The following NR1I2 variants were observed in gnomAD, a reference collection of about 807,000 sequenced individuals.
The protein encoded by NR1I2 is nuclear receptor subfamily 1 group I member 2.
NR1I2 carries 42 observed loss-of-function variants against 43.3 expected under a neutral mutation model. That is an observed-to-expected ratio of 0.97 (90% confidence interval 0.76 to 1.26). NR1I2 has a LOEUF of 1.26. NR1I2 is among the 50% of genes most tolerant of loss of function. The pLI is 0.00. For missense variants in NR1I2, 559 were observed against 566.7 expected, an observed-to-expected ratio of 0.99 and a Z score of 0.14; for synonymous variants, 229 against 215.0, an observed-to-expected ratio of 1.06 and a Z score of -0.57.
At chr3:119,811,518 C>T in intron 3 of NR1I2, 21 bp from the exon 4 acceptor site, 1 of 1,596,602 alleles carries the variant, frequency 6.3e-7, no homozygotes. Context: ...TGTGCCTGAG[C>T]CAGCCTCACT....
rs1462009751 is a variant in NR1I2, at chr3:119,811,523, C to T, written c.332-16C>T. ...CAGGGGCACGTGTGCCTGAGCCAGC[C>T]TCACTGTCCCTGCAGTGATCATGTC... On this transcript the variant is annotated splice_polypyrimidine_tract_variant and intron_variant, in intron 3 of 8. Transcript: ENST00000393716. 3 of 1,600,338 alleles carry T rather than the reference C, an allele frequency of 1.9e-6. No homozygotes were observed. The highest frequency in any genetic ancestry group is 2.7e-5 in the African/African-American group (2 of 74,656).
chr3:119,809,150 G>A lies in NR1I2; in HGVS notation c.198-911G>A, dbSNP rs529788097. On this transcript the variant is annotated intron_variant, in intron 2 of 8. Coordinates refer to ENST00000393716, the MANE Select transcript of NR1I2 (RefSeq NM_003889.4). ...CCAGCCTTCCCTCAGTTTCCACTCT[G>A]GACCAGAATCAGAGGCCAGAGCCAA... 7.2e-5 allele frequency among the ~76,000 whole-genome samples: 11 copies of A among 152,270 alleles called. No individual in the cohort carries two copies. In the East Asian group the frequency reaches 2.1e-3, roughly 29 times the overall value.
intron 1 of NR1I2, among the ~76,000 whole-genome samples, chr3:119,794,400 C>T (rs1169457089): frequency 1.3e-5 from 2 of 151,844 alleles, no homozygotes; most frequent in African/African-American, 4.8e-5. Flanking sequence ...CACCATGTCA[C>T]CCAGGCATGT....
rs769584263 is a variant in NR1I2 at position 119,815,827 on chromosome 3, C to T, written c.1156C>T (p.His386Tyr). The change falls in exon 8 of 9, where the codon CAT (histidine) becomes TAT (tyrosine). Residue 386 changes from histidine to tyrosine, a missense_variant. Transcript: ENST00000393716. Reference sequence around the variant, plus strand: ...TGAATGCAATCGGCCCCAGCCTGCTCATAGGTGAGCACAGCAGGGGGTGAG... The same window carrying T: ...TGAATGCAATCGGCCCCAGCCTGCTTATAGGTGAGCACAGCAGGGGGTGAG... The T allele has an allele frequency of 8.7e-6, 14 of 1,606,026 alleles. No homozygotes were observed. The East Asian group carries it at 1.1e-4, about 13-fold the overall frequency.
rs2055349757 is a variant in NR1I2, at chr3:119,817,694, G to A, written c.*482G>A. 3.6e-6 allele frequency: 4 copies of A among 1,111,114 alleles called. No individual in the cohort carries two copies. Among genetic ancestry groups the A allele is most frequent in the Non-Finnish European group, 4.4e-6 (4 of 902,262 alleles). 68.8% of individuals were successfully genotyped at this position (1,111,114 alleles called of 1,614,324 possible). A position where few individuals can be genotyped will look rare whatever the true frequency, so the allele number is the denominator to read the frequency against. On this transcript the variant is annotated 3_prime_UTR_variant, in exon 9 of 9. Coordinates refer to ENST00000393716, the MANE Select transcript of NR1I2 (RefSeq NM_003889.4). Reference sequence around the variant, plus strand: ...TTCCCACTCGTTCCCCTCCTCTTCCGAGCTGCTTTGTGGGCTCCAGGCCTG... The same window carrying A: ...TTCCCACTCGTTCCCCTCCTCTTCCAAGCTGCTTTGTGGGCTCCAGGCCTG...
chr3:119,807,756 A>G (rs760957308), intron 2 of NR1I2, among the ~76,000 whole-genome samples: 1 of 152,252 alleles, frequency 6.6e-6, no homozygotes, highest in Non-Finnish European at 1.5e-5. Flanking sequence ...AAGTGTTCAC[A>G]TCCGCCTTCT....
At position 119,807,966 on chromosome 3, in the gene NR1I2, C is replaced by T. The variant is rs117049339; in HGVS notation, c.197+519C>T. ...CACATGTGGGACCCTCATGCATTCC[C>T]AAGACAGCCAGCCTGACAGCCCTTT... On this transcript the variant is annotated intron_variant, in intron 2 of 8. Coordinates refer to ENST00000393716, the MANE Select transcript of NR1I2 (RefSeq NM_003889.4). 2.6e-3 allele frequency among the ~76,000 whole-genome samples: 400 copies of T among 152,288 alleles called. 4 individuals are homozygous for T. The highest frequency in any genetic ancestry group is 0.012 in the East Asian group (63 of 5,168).
chr3:119,802,910 TTA>T (rs1381636774), intron 1 of NR1I2: 1 of 456,608 alleles, frequency 2.2e-6, no homozygotes, highest in East Asian at 7.0e-5. Flanking sequence ...TTCTGAATGT[TTA>T]TGTTTCCCCC....
intron 1 of NR1I2, among the ~76,000 whole-genome samples, chr3:119,789,106 G>A (rs560305969): frequency 7.9e-5 from 12 of 152,256 alleles, no homozygotes; most frequent in East Asian, 5.8e-4. Context: ...TACCTTAAAC[G>A]GGGGCACTTC....
chr3:119,815,466 C>T lies in NR1I2; in HGVS notation c.1054+27C>T. 3 of 1,563,074 alleles carry T rather than the reference C, an allele frequency of 1.9e-6. No homozygotes were observed. In the East Asian group the frequency reaches 6.7e-5, roughly 35 times the overall value. ...TGAGGATCTCCCCTAGGCTGCCTGA[C>T]ATCCCCCCCAGCCTTATCTGCCCTC... is the stretch of plus-strand genomic sequence containing the variant. On this transcript the variant is annotated intron_variant, in intron 7 of 8. Transcript: ENST00000393716.
chr3:119,792,245 G>A (rs2054930498), intron 1 of NR1I2: 3 of 1,542,136 alleles, frequency 1.9e-6, no homozygotes, highest in Non-Finnish European at 2.7e-6. Flanking sequence ...TAATCACCCA[G>A]AGAGAACTGG....
intron 5 of NR1I2, among the ~76,000 whole-genome samples, chr3:119,814,395 C>T (rs1301922968): frequency 2.0e-5 from 3 of 152,178 alleles, no homozygotes; most frequent in Non-Finnish European, 4.4e-5. Context: ...GGGCTTCAGG[C>T]ATCTGGGCTG....
In NR1I2 at chr3:119,782,192, C is replaced by A. The variant is rs1523127; in HGVS notation, c.-131C>A. 75,966 of 154,076 alleles carry A rather than the reference C, an allele frequency of 0.49. 21,543 individuals carry two copies. Among genetic ancestry groups the A allele is most frequent in the East Asian group, 0.78 (4,051 of 5,222 alleles). 9.5% of individuals were successfully genotyped at this position (154,076 alleles called of 1,614,324 possible). A position where few individuals can be genotyped will look rare whatever the true frequency, so the allele number is the denominator to read the frequency against. ...AATAAGCTAATACTCCTGTCCTGAA[C>A]AAGGCAGCGGCTCCTTGGTAAAGCT... On this transcript the variant is annotated 5_prime_UTR_variant, in exon 1 of 9. Coordinates refer to ENST00000393716, the MANE Select transcript of NR1I2 (RefSeq NM_003889.4).
At chr3:119,790,198 A>G (rs539913843) in intron 1 of NR1I2, among the ~76,000 whole-genome samples, 1 of 152,268 alleles carries the variant, frequency 6.6e-6, no homozygotes, top group East Asian at 1.9e-4. Context: ...CACTTAGCAT[A>G]ATGTCCTCAA....
chr3:119,812,271 C>A (rs1348321705), intron 4 of NR1I2, among the ~76,000 whole-genome samples: 7 of 152,138 alleles, frequency 4.6e-5, no homozygotes, highest in Non-Finnish European at 1.5e-5. Flanking sequence ...TCTCAAGTGG[C>A]CCTTCACAGC....
At chr3:119,815,196 G>T in intron 6 of NR1I2, 75 bp downstream of exon 6, 1 of 1,604,626 alleles carries the variant, frequency 6.2e-7, no homozygotes, top group Non-Finnish European at 8.5e-7. Flanking sequence ...AGCTACGCCA[G>T]GATATGCAGG....
At chr3:119,788,257 G>T (rs1308058150) in intron 1 of NR1I2, among the ~76,000 whole-genome samples, 1 of 152,048 alleles carries the variant, frequency 6.6e-6, no homozygotes, top group Non-Finnish European at 1.5e-5. Context: ...GGGACTACAG[G>T]TGTGTGCCAC....
chr3:119,799,878 G>A (rs12492296), intron 1 of NR1I2, among the ~76,000 whole-genome samples: 81,850 of 151,766 alleles, frequency 0.54, 22,808 homozygotes, highest in East Asian at 0.62. Context: ...TACTCAGGAG[G>A]CTGAGGCAGG....
intron 5 of NR1I2, among the ~76,000 whole-genome samples, chr3:119,813,666 A>G (rs1381869518): frequency 6.6e-6 from 1 of 152,170 alleles, no homozygotes; most frequent in Non-Finnish European, 1.5e-5. Flanking sequence ...GTTATACTCT[A>G]GGAGCCCAGA....
Sources: gnomAD v4.1 joint callset for allele counts (sites outside exome capture counted in the v4.1 genomes callset) on GRCh38, gnomAD v4.1.1 for gene constraint, MANE v1.5 for transcripts, NCBI Gene and HGNC (gene_info 2026-07-23, HGNC 2026-07-21) for gene names.